The following ANKRD27 variants were observed in gnomAD, a reference collection of about 807,000 sequenced individuals.
ANKRD27 encodes ankyrin repeat domain-containing protein 27.
ANKRD27 carries 112 observed loss-of-function variants against 129.7 expected under a neutral mutation model. That is an observed-to-expected ratio of 0.86 (90% CI 0.74 to 1.01). The LOEUF is 1.01. ANKRD27 is among the 50% of genes least tolerant of loss of function. The pLI is 0.00. For synonymous variants in ANKRD27, 516 were observed against 511.2 expected (o/e 1.01, Z -0.13); for missense variants, 1,258 against 1,300.5 (o/e 0.97, Z 0.50).
At chr19:32,631,296 G>A (rs1966987425) in intron 13 of ANKRD27, 106 bp downstream of exon 13, 5 of 1,001,360 alleles carry the variant, frequency 5.0e-6, no homozygotes, top group Non-Finnish European at 7.7e-6. Context: ...TGTGATTATA[G>A]GCATGAGCCA....
At chr19:32,671,948 A>G (rs1237325943) in intron 1 of ANKRD27, among the ~76,000 whole-genome samples, 1 of 152,166 alleles carries the variant, frequency 6.6e-6, no homozygotes, top group Non-Finnish European at 1.5e-5. Context: ...TGAGGCCTCA[A>G]ACTAGTATTT....
At chr19:32,625,500 GGCTCACT>G (rs1972075249) in intron 17 of ANKRD27, among the ~76,000 whole-genome samples, 1 of 145,016 alleles carries the variant, frequency 6.9e-6, no homozygotes, top group Non-Finnish European at 1.5e-5. Flanking sequence ...GTGCCATCTT[GGCTCACT>G]GCAACCTCCA....
At chr19:32,626,981 A>T (rs952996457) in intron 15 of ANKRD27, among the ~76,000 whole-genome samples, 154 bp from the exon 16 acceptor site, 1 of 152,112 alleles carries the variant, frequency 6.6e-6, no homozygotes, top group African/African-American at 2.4e-5. Context: ...CAGCTAATAT[A>T]AAGTAAGGCT....
At chr19:32,635,615 C>G (rs10426107) in intron 12 of ANKRD27, among the ~76,000 whole-genome samples, 21,848 of 152,004 alleles carry the variant, frequency 0.14, 2,743 homozygotes, top group African/African-American at 0.34. Context: ...CACATACATA[C>G]TCTAGAATCT....
At chr19:32,631,793 A>T (rs1966998790) in intron 12 of ANKRD27, among the ~76,000 whole-genome samples, 1 of 152,142 alleles carries the variant, frequency 6.6e-6, no homozygotes, top group South Asian at 2.1e-4. Context: ...CACACACACC[A>T]TTGTCCTCCA....
intron 1 of ANKRD27, among the ~76,000 whole-genome samples, chr19:32,663,864 G>A (rs567313610): frequency 1.8e-4 from 28 of 151,630 alleles, no homozygotes; most frequent in African/African-American, 6.3e-4. Context: ...AGACCATCCC[G>A]GCTAAAACGG....
intron 1 of ANKRD27, among the ~76,000 whole-genome samples, chr19:32,672,574 C>T (rs113672691): frequency 1.5e-3 from 230 of 152,274 alleles, no homozygotes; most frequent in Non-Finnish European, 1.7e-3. Flanking sequence ...CATAGCCAAG[C>T]AAGCACAAAG....
At chr19:32,605,798 G>A (rs540239019) in intron 24 of ANKRD27, 37 bp downstream of exon 24, 43 of 1,608,278 alleles carry the variant, frequency 2.7e-5, no homozygotes, top group South Asian at 5.5e-5. Flanking sequence ...GTTAACTGGC[G>A]CAGGTGTGTA....
intron 2 of ANKRD27, among the ~76,000 whole-genome samples, chr19:32,656,099 GAAAGAAA>G (rs1294265995): frequency 8.1e-6 from 1 of 123,224 alleles, no homozygotes; most frequent in African/African-American, 3.5e-5. Flanking sequence ...AAGAAAGAAA[GAAAGAAA>G]GAAAAGAAAA....
intron 18 of ANKRD27, among the ~76,000 whole-genome samples, chr19:32,620,078 G>A (rs1971984782): frequency 6.6e-6 from 1 of 151,996 alleles, no homozygotes. Context: ...AGCAGCCCCA[G>A]CCGTGGTGGC....
intron 1 of ANKRD27, among the ~76,000 whole-genome samples, chr19:32,662,166 G>A (rs1452408889): frequency 1.3e-5 from 2 of 151,934 alleles, no homozygotes; most frequent in South Asian, 2.1e-4. Context: ...ACAAAAATTA[G>A]TGGGGTGTGG....
chr19:32,597,998 C>T lies in ANKRD27; in HGVS notation c.*147G>A. Reference sequence around the variant, plus strand: ...ACTTTTTTGTTGCATTCTTTCCTGCCACAGAAAAGCTTTCAGGAACTTGGT... The same window carrying T: ...ACTTTTTTGTTGCATTCTTTCCTGCTACAGAAAAGCTTTCAGGAACTTGGT... On this transcript the variant is annotated 3_prime_UTR_variant, in exon 29 of 29. Transcript: ENST00000306065. The T allele has an allele frequency of 1.5e-6, 1 of 684,984 alleles. No homozygotes were observed. Among genetic ancestry groups the T allele is most frequent in the Admixed American group, 2.8e-5 (1 of 35,182 alleles). 42.4% of individuals were successfully genotyped at this position (684,984 alleles called of 1,614,324 possible). A position where few individuals can be genotyped will look rare whatever the true frequency, so the allele number is the denominator to read the frequency against.
intron 4 of ANKRD27, 58 bp from the exon 5 acceptor site, chr19:32,644,537 T>C: frequency 6.3e-7 from 1 of 1,594,414 alleles, no homozygotes; most frequent in African/African-American, 1.3e-5. Flanking sequence ...CCTGACTCTG[T>C]CCTATCCTAC....
In ANKRD27 at chr19:32,640,318, C is replaced by A. The variant is rs1235465963; in HGVS notation, c.972G>T (p.Glu324Asp). ...SVLLYLLVKT[E>D]IPNWMANLSY... ...AAAGAAAATGTTACCAATTAGGGAT[C>A]TCCGTTTTCACAAGCAAGTATAACA... The change falls in exon 11 of 29, where the codon GAG becomes GAT. Residue 324 changes from glutamate (E) to aspartate (D), a missense_variant. By Grantham distance (45) the Glu-to-Asp change is conservative (BLOSUM62 2). Coordinates refer to ENST00000306065, the MANE Select transcript of ANKRD27 (RefSeq NM_032139.3). 1 of 1,613,586 alleles carries A rather than the reference C, an allele frequency of 6.2e-7. No individual in the cohort carries two copies. The highest frequency in any genetic ancestry group is 2.2e-5 in the East Asian group (1 of 44,846).
At chr19:32,615,576 CCT>C in intron 22 of ANKRD27, 80 bp downstream of exon 22, 1 of 1,607,824 alleles carries the variant, frequency 6.2e-7, no homozygotes, top group Non-Finnish European at 8.5e-7. Flanking sequence ...AGAACGAGAC[CCT>C]GTCTCAAAAA....
At chr19:32,662,050 C>T (rs1330536242) in intron 1 of ANKRD27, among the ~76,000 whole-genome samples, 13 of 152,134 alleles carry the variant, frequency 8.5e-5, no homozygotes, top group African/African-American at 2.4e-4. Flanking sequence ...CGGTGGCTCA[C>T]GCCTATAATC....
At chr19:32,630,631 G>A (rs184439377) in intron 13 of ANKRD27, among the ~76,000 whole-genome samples, 1,582 of 152,286 alleles carry the variant, frequency 0.01, 24 homozygotes, top group African/African-American at 0.035. Context: ...AGCACAGCAC[G>A]CTGGGGGAGG....
At chr19:32,656,986 G>C (rs1458369265) in intron 2 of ANKRD27, among the ~76,000 whole-genome samples, 1 of 152,044 alleles carries the variant, frequency 6.6e-6, no homozygotes, top group Non-Finnish European at 1.5e-5. Flanking sequence ...GAACTTTTTG[G>C]CTTCTAAAAT....
At chr19:32,649,123 C>A (rs560513433) in intron 3 of ANKRD27, among the ~76,000 whole-genome samples, 1 of 151,914 alleles carries the variant, frequency 6.6e-6, no homozygotes, top group Admixed American at 6.6e-5. Flanking sequence ...CGCACCATCA[C>A]GCCTGGCTAA....
Sources: gnomAD v4.1 joint callset for allele counts (sites outside exome capture counted in the v4.1 genomes callset) on GRCh38, gnomAD v4.1.1 for gene constraint, MANE v1.5 for transcripts, NCBI Gene and HGNC (gene_info 2026-07-23, HGNC 2026-07-21) for gene names.